FLNC: variants seen among roughly 807,000 people sequenced by gnomAD.
FLNC encodes filamin-C.
In FLNC, 91 loss-of-function variants were observed where a neutral mutation model predicts 254.3. The ratio of observed to expected loss-of-function variants is 0.36; its 90% CI spans 0.30 to 0.43. The LOEUF is 0.43. Among genes scored for constraint, FLNC ranks in the 20% least tolerant of loss-of-function variants. The pLI is 1.00. For missense variants in FLNC, 2,853 were observed against 3,802.6 expected (o/e 0.75, Z 6.57); for synonymous variants, 1,430 against 1,577.2 (o/e 0.91, Z 2.21).
In FLNC at chr7:128,836,528, G is replaced by A. The variant is rs569897639; in HGVS notation, c.602-632G>A. ...AACCAAGCGCCCCTTCACCTGCACCGTTCATAGGAGTGATCTGGGGCTGCC... is the reference window on the plus strand; with the variant it reads ...AACCAAGCGCCCCTTCACCTGCACCATTCATAGGAGTGATCTGGGGCTGCC... On this transcript the variant is annotated intron_variant, in intron 2 of 47. Coordinates refer to ENST00000325888, the MANE Select transcript of FLNC (RefSeq NM_001458.5). This position sits in a 1 kb window ranked among gnomAD's most constrained non-coding sequence, Gnocchi z 6.0. Among the ~76,000 whole-genome samples the A allele has an allele frequency of 7.5e-4, 115 of 152,324 alleles. 1 individual carries two copies. Among genetic ancestry groups the A allele is most frequent in the Admixed American group, 5.0e-3 (76 of 15,302 alleles).
Position 128,849,581 on chromosome 7 carries a change from A to G in FLNC, c.5199+3A>G. 1.2e-6 allele frequency: 2 copies of G among 1,613,676 alleles called. No homozygotes were observed. The highest frequency in any genetic ancestry group is 1.7e-6 in the Non-Finnish European group (2 of 1,179,918). On this transcript the variant is annotated splice_donor_region_variant and intron_variant, in intron 30 of 47. Transcript: ENST00000325888. ...CCAACAGCCCCTTCCACGTGCTGGT[A>G]AGTTCTGTAGCCACAGCAAGACTAG...
At chr7:128,845,900 A>T in intron 21 of FLNC, 90 bp from the exon 22 acceptor site, 1 of 1,103,502 alleles carries the variant, frequency 9.1e-7, no homozygotes, top group East Asian at 2.5e-5. Flanking sequence ...GAGGAGAGGG[A>T]GAGGAGAGGG....
intron 9 of FLNC, 99 bp downstream of exon 9, chr7:128,840,259 C>T (rs1808275128): frequency 1.4e-6 from 2 of 1,401,272 alleles, no homozygotes; most frequent in Non-Finnish European, 2.0e-6. Flanking sequence ...ACAGCCAGCA[C>T]CACAGCTCCA....
At position 128,842,752 on chromosome 7, in the gene FLNC, G is replaced by T. The variant is rs111958241; in HGVS notation, c.2390-42G>T. The T allele has an allele frequency of 0.034, 54,040 of 1,606,062 alleles. 1,137 individuals are homozygous for T. The highest frequency in any genetic ancestry group is 0.037 in the Non-Finnish European group (43,230 of 1,176,726). ...GGAGGGGGCGGGGGTGAGTCGAGTCGGGGGCTGAGCCCAACTCACAGCAGT... is the reference window on the plus strand; with the variant it reads ...GGAGGGGGCGGGGGTGAGTCGAGTCTGGGGCTGAGCCCAACTCACAGCAGT... On this transcript the variant is annotated intron_variant, in intron 15 of 47. Transcript: ENST00000325888. This position sits in a 1 kb window ranked among gnomAD's most constrained non-coding sequence, Gnocchi z 5.4.
At chr7:128,850,351 C>T in intron 31 of FLNC, 33 bp from the exon 32 acceptor site, 10 of 1,555,314 alleles carry the variant, frequency 6.4e-6, no homozygotes, top group Non-Finnish European at 8.9e-6. Context: ...GGGCCTTCCC[C>T]AGTCACTGAC....
In FLNC at chr7:128,852,574, C is replaced by T. The variant is rs1315986761; in HGVS notation, c.5843-17C>T. On this transcript the variant is annotated splice_polypyrimidine_tract_variant and intron_variant, in intron 35 of 47. Transcript: ENST00000325888. ...GCCTGGAGTCATAGCAGCCTGATGC[C>T]CCAACTCCCCCACCAGGTGATGACT... 2 of 1,612,990 alleles carry T rather than the reference C, an allele frequency of 1.2e-6. No homozygotes were observed. The highest frequency in any genetic ancestry group is 2.7e-5 in the African/African-American group (2 of 74,914).
chr7:128,832,614 C>G (rs1054264450), intron 1 of FLNC, among the ~76,000 whole-genome samples: 3 of 152,236 alleles, frequency 2.0e-5, no homozygotes, highest in Admixed American at 1.3e-4. Context: ...GGCTCCAGCC[C>G]CCTTGGCTCA....
chr7:128,837,281 G>T, intron 3 of FLNC, 24 bp downstream of exon 3: 1 of 1,568,004 alleles, frequency 6.4e-7, no homozygotes, highest in East Asian at 2.4e-5. Context: ...TGGGGCAGGG[G>T]GGAAAGGGGG....
rs555985741 is a variant in FLNC at position 128,845,284 on chromosome 7, T to C, written c.3790+29T>C. 40 of 1,578,962 alleles carry C rather than the reference T, an allele frequency of 2.5e-5. No individual in the cohort carries two copies. The South Asian group carries it at 4.3e-4, about 17-fold the overall frequency. On this transcript the variant is annotated intron_variant, in intron 21 of 47. Coordinates refer to ENST00000325888, the MANE Select transcript of FLNC (RefSeq NM_001458.5). ...AGTGGACAGGAGGAGCCAAGAAAGGTCAAGTGGCAGGTGCAGGAGCTGGGT... is the reference window on the plus strand; with the variant it reads ...AGTGGACAGGAGGAGCCAAGAAAGGCCAAGTGGCAGGTGCAGGAGCTGGGT...
rs377595203 is a variant in FLNC at position 128,842,625 on chromosome 7, C to T, written c.2316C>T (p.Pro772=). 50 of 1,549,988 alleles carry T rather than the reference C, an allele frequency of 3.2e-5. 1 individual carries two copies. Among genetic ancestry groups the T allele is most frequent in the South Asian group, 1.2e-4 (10 of 84,050 alleles). ...CCGAGCGGGTAAAGGTGTACGGCCC[C>T]GGAGTGGAGAAGACAGGCCTCAAGG... ...SHPERVKVYG[P]GVEKTGLKAN... Residue 772 remains proline (P), a synonymous_variant, in exon 15 of 48, where the codon CCC becomes CCT. Transcript: ENST00000325888. The surrounding 1 kb of genome is among the most constrained non-coding windows in gnomAD (Gnocchi z 5.4).
In FLNC at chr7:128,846,760, G is replaced by A. The variant is rs776697565; in HGVS notation, c.4143G>A (p.Gly1381=). The change falls in exon 24 of 48, where the codon GGG becomes GGA. Residue 1381 remains glycine (G), a synonymous_variant. Coordinates refer to ENST00000325888, the MANE Select transcript of FLNC (RefSeq NM_001458.5). ...TATCTCTCAGGGGAGCGGGCACCGG[G>A]GGCCTTGGCCTAGCCATCGAGGGTC... The part of the protein sequence containing the change: ...FTVETRGAGT[G]GLGLAIEGPS... 6.2e-7 allele frequency: 1 copy of A among 1,613,938 alleles called. No individual in the cohort carries two copies. The highest frequency in any genetic ancestry group is 2.2e-5 in the East Asian group (1 of 44,892).
intron 34 of FLNC, 46 bp from the exon 35 acceptor site, chr7:128,851,409 G>T (rs755789586): frequency 2.5e-6 from 4 of 1,613,974 alleles, no homozygotes; most frequent in South Asian, 2.2e-5. Context: ...ACCAGGGGCA[G>T]GGGTGAGGGC....
At chr7:128,852,347 T>C (rs943871661) in intron 35 of FLNC, among the ~76,000 whole-genome samples, 2 of 152,214 alleles carry the variant, frequency 1.3e-5, no homozygotes, top group Non-Finnish European at 2.9e-5. Context: ...AGGTTTCCTT[T>C]AGGGATTTAG....
rs187263021 is a variant in FLNC at position 128,835,728 on chromosome 7, C to G, written c.601+154C>G. On this transcript the variant is annotated intron_variant, in intron 2 of 47. Coordinates refer to ENST00000325888, the MANE Select transcript of FLNC (RefSeq NM_001458.5). This position sits in a 1 kb window ranked among gnomAD's most constrained non-coding sequence, Gnocchi z 5.3. The stretch of plus-strand genomic sequence containing the variant: ...GGTTTGTCCTCCTCCAGCTGTGGCT[C>G]TCCGCTGGCTGGTGGCAGGCCCTAC... 4.0e-4 allele frequency among the ~76,000 whole-genome samples: 61 copies of G among 152,312 alleles called. No individual in the cohort carries two copies. Among genetic ancestry groups the G allele is most frequent in the African/African-American group, 1.4e-3 (57 of 41,560 alleles).
intron 1 of FLNC, among the ~76,000 whole-genome samples, chr7:128,831,514 TC>T (rs1283733669): frequency 6.6e-6 from 1 of 152,128 alleles, no homozygotes; most frequent in African/African-American, 2.4e-5. Flanking sequence ...GAGGCCCTCT[TC>T]GTGCATGTGC....
intron 1 of FLNC, 133 bp downstream of exon 1, chr7:128,831,122 C>A (rs1208310059): frequency 2.5e-6 from 2 of 814,084 alleles, no homozygotes; most frequent in South Asian, 1.8e-5. Context: ...AGAGAGAAGA[C>A]CCTGGCCCCG....
chr7:128,853,414 A>G, intron 37 of FLNC, 55 bp from the exon 38 acceptor site: 8 of 1,606,504 alleles, frequency 5.0e-6, no homozygotes, highest in Non-Finnish European at 6.8e-6. Context: ...AGAGGAAAGC[A>G]TTGTGGCTTG....
rs1808104304 is a variant in FLNC, at chr7:128,836,657, G to A, written c.602-503G>A. Among the ~76,000 whole-genome samples, 1 of 152,224 alleles carries A rather than the reference G, an allele frequency of 6.6e-6. No homozygotes were observed. The highest frequency in any genetic ancestry group is 6.5e-5 in the Admixed American group (1 of 15,294). On this transcript the variant is annotated intron_variant, in intron 2 of 47. Coordinates refer to ENST00000325888, the MANE Select transcript of FLNC (RefSeq NM_001458.5). The surrounding 1 kb of genome is among the most constrained non-coding windows in gnomAD (Gnocchi z 6.0). ...ATGCCTCAGTTTCCCCAAGTGAGCAGTTAGAAGGAATAGGGAGTCTCATAC... is the reference window on the plus strand; with the variant it reads ...ATGCCTCAGTTTCCCCAAGTGAGCAATTAGAAGGAATAGGGAGTCTCATAC...
rs954461668 is a variant in FLNC, at chr7:128,838,820, G to C, written c.1411+17G>C. Reference sequence around the variant, plus strand: ...TGTCGGAAGGTAAGGGCCCTTCACTGCTCCCCACGGTAGCCCTTACCAAAG... The same window carrying C: ...TGTCGGAAGGTAAGGGCCCTTCACTCCTCCCCACGGTAGCCCTTACCAAAG... On this transcript the variant is annotated intron_variant, in intron 8 of 47. Transcript: ENST00000325888. 12 of 1,608,962 alleles carry C rather than the reference G, an allele frequency of 7.5e-6. No individual in the cohort carries two copies. Among genetic ancestry groups the C allele is most frequent in the Non-Finnish European group, 1.0e-5 (12 of 1,177,090 alleles).
Sources: gnomAD v4.1 joint callset for allele counts (sites outside exome capture counted in the v4.1 genomes callset) on GRCh38, gnomAD v4.1.1 for gene constraint, Gnocchi (gnomAD v3.1) non-coding constraint, MANE v1.5 for transcripts, NCBI Gene and HGNC (gene_info 2026-07-23, HGNC 2026-07-21) for gene names.